Variants in STX11 observed in about 807,000 individuals in gnomAD.
STX11 encodes the protein syntaxin-11.
In STX11, 21 loss-of-function variants were observed where a neutral mutation model predicts 19.9. The ratio of observed to expected loss-of-function variants is 1.06; its 90% confidence interval spans 0.75 to 1.52. The LOEUF is 1.52. Ranked by LOEUF, STX11 falls within the 40% of genes most tolerant of loss-of-function variation. The probability of loss-of-function intolerance (pLI) is 0.00; values close to 1 mark genes in which losing one functional copy is unlikely to be tolerated. For missense variants in STX11, 438 were observed against 405.9 expected (o/e 1.08, Z -0.68); for synonymous variants, 193 against 174.4 (o/e 1.11, Z -0.84).
the STX11 span, among the ~76,000 whole-genome samples, chr6:144,141,171 A>G: frequency 6.3e-3 from 960 of 152,372 alleles, 13 homozygotes; most frequent in African/African-American, 0.022. Context: ...ATTGGTTTCC[A>G]TAAAGAGCTA....
chr6:144,184,527 T>C lies in STX11; in HGVS notation c.-5-2096T>C, dbSNP rs1163864270. Among the ~76,000 whole-genome samples, 1 of 152,252 alleles carries C rather than the reference T, an allele frequency of 6.6e-6. No individual in the cohort carries two copies. Among genetic ancestry groups the C allele is most frequent in the African/African-American group, 2.4e-5 (1 of 41,472 alleles). ...AATTCTCAGCAGTTTAATTTGCATT[T>C]CCTTGTTTAATACAGAAGTCTTTTG... On this transcript the variant is annotated intron_variant, in intron 1 of 1. Transcript: ENST00000367568. The surrounding 1 kb of genome is among the most constrained non-coding windows in gnomAD (Gnocchi z 6.5).
chr6:144,166,666 C>T (rs1801489682), intron 1 of STX11, among the ~76,000 whole-genome samples: 1 of 151,846 alleles, frequency 6.6e-6, no homozygotes, highest in African/African-American at 2.4e-5. Context: ...GCTGGGACTA[C>T]AGGCATGTGC....
the STX11 span, among the ~76,000 whole-genome samples, chr6:144,144,943 G>A: frequency 6.6e-6 from 1 of 152,206 alleles, no homozygotes; most frequent in East Asian, 1.9e-4. Context: ...GGCATTGCAG[G>A]TATAAATGTA....
chr6:144,150,545 G>T lies in STX11; in HGVS notation c.-164G>T. 2.0e-6 allele frequency: 2 copies of T among 985,398 alleles called. No homozygotes were observed. The highest frequency in any genetic ancestry group is 2.4e-6 in the Non-Finnish European group (2 of 829,964). 61.0% of individuals were successfully genotyped at this position (985,398 alleles called of 1,614,324 possible). On this transcript the variant is annotated 5_prime_UTR_variant, in exon 1 of 2. Transcript: ENST00000367568. ...TGCGGCCGCGGCGGCGCGGAGCTCG[G>T]GCGGCCGTGGAGGAACTCAGCCTCG... is the stretch of plus-strand genomic sequence containing the variant.
In STX11 at chr6:144,170,453, T is replaced by C. The variant is rs1357861422; in HGVS notation, c.-5-16170T>C. On this transcript the variant is annotated intron_variant, in intron 1 of 1. Transcript: ENST00000367568. The surrounding 1 kb of genome is among the most constrained non-coding windows in gnomAD (Gnocchi z 4.7). ...CCTTGGGGACACTGAGTAAATTGTG[T>C]GTTATGTACTTGTGTTTTGACTGCG... Among the ~76,000 whole-genome samples, 1 of 152,148 alleles carries C rather than the reference T, an allele frequency of 6.6e-6. No homozygotes were observed. Among genetic ancestry groups the C allele is most frequent in the Non-Finnish European group, 1.5e-5 (1 of 68,026 alleles).
At position 144,176,968 on chromosome 6, in the gene STX11, A is replaced by G. The variant is rs994882651; in HGVS notation, c.-5-9655A>G. Among the ~76,000 whole-genome samples, 1 of 152,252 alleles carries G rather than the reference A, an allele frequency of 6.6e-6. No individual in the cohort carries two copies. The highest frequency in any genetic ancestry group is 6.5e-5 in the Admixed American group (1 of 15,286). On this transcript the variant is annotated intron_variant, in intron 1 of 1. Coordinates refer to ENST00000367568, the MANE Select transcript of STX11 (RefSeq NM_003764.4). The surrounding 1 kb of genome is among the most constrained non-coding windows in gnomAD (Gnocchi z 4.1). Reference sequence around the variant, plus strand: ...GTACCTTGTGTAAAAGATATCAGCCATATATAAGAATATTTTTTCTGGGAG... The same window carrying G: ...GTACCTTGTGTAAAAGATATCAGCCGTATATAAGAATATTTTTTCTGGGAG...
chr6:144,187,004 G>T lies in STX11; in HGVS notation c.377G>T (p.Arg126Leu), dbSNP rs1209486237. 3.1e-6 allele frequency: 5 copies of T among 1,610,426 alleles called. No homozygotes were observed. The highest frequency in any genetic ancestry group is 1.1e-5 in the South Asian group (1 of 91,026). ...CACGGCCCGCACTCGGCAGTGGCGC[G>T]CATTTCGCGGGCGCAGTACAACGCG... ...AQHGPHSAVARISRAQYNALT... is the reference protein window; with the variant it reads ...AQHGPHSAVALISRAQYNALT... The change falls in exon 2 of 2, where the codon CGC becomes CTC. Residue 126 changes from arginine to leucine, a missense_variant. Physicochemically the swap from Arg to Leu is moderately radical, Grantham distance 102. Coordinates refer to ENST00000367568, the MANE Select transcript of STX11 (RefSeq NM_003764.4). The surrounding 1 kb of genome is among the most constrained non-coding windows in gnomAD (Gnocchi z 5.6).
chr6:144,187,782 T>C lies in STX11; in HGVS notation c.*291T>C. 1 of 536,556 alleles carries C rather than the reference T, an allele frequency of 1.9e-6. No individual in the cohort carries two copies. Among genetic ancestry groups the C allele is most frequent in the Non-Finnish European group, 3.5e-6 (1 of 289,556 alleles). The allele number at this position is 536,556 out of a possible 1,614,324, so 33.2% of individuals were successfully genotyped here. ...TCTTGACAGAAGCCAAGTAAGGAAC[T>C]GAAGTTGTATCTGACTGTAGGGTGA... is the stretch of plus-strand genomic sequence containing the variant. On this transcript the variant is annotated 3_prime_UTR_variant, in exon 2 of 2. Transcript: ENST00000367568. This position sits in a 1 kb window ranked among gnomAD's most constrained non-coding sequence, Gnocchi z 5.6.
the STX11 span, among the ~76,000 whole-genome samples, chr6:144,140,226 A>ATATATATC: frequency 2.5e-5 from 1 of 40,658 alleles, no homozygotes; most frequent in Non-Finnish European, 4.3e-5. Context: ...ATATATATAT[A>ATATATATC]TATATATATA....
In STX11 at chr6:144,155,988, TTCTTTC is replaced by T. The variant is rs1317202468; in HGVS notation, c.-6+5287_-6+5292del. 2.3e-5 allele frequency among the ~76,000 whole-genome samples: 3 copies of T among 132,570 alleles called. No homozygotes were observed. The highest frequency in any genetic ancestry group is 7.2e-5 in the Admixed American group (1 of 13,984). 87.0% of individuals were successfully genotyped at this position (132,570 alleles called of 152,430 possible). A position where few individuals can be genotyped will look rare whatever the true frequency, so the allele number is the denominator to read the frequency against. ...TTTCTTTCTTTCTTTCTTTCTTTCT[TTCTTTC>T]TTTCTTTCTTTCTTTCTTTCTCTCT... is the stretch of plus-strand genomic sequence containing the variant. On this transcript the variant is annotated intron_variant, in intron 1 of 1. Transcript: ENST00000367568. The surrounding 1 kb of genome is among the most constrained non-coding windows in gnomAD (Gnocchi z 4.5).
intron 1 of STX11, among the ~76,000 whole-genome samples, chr6:144,181,300 A>G (rs1387766035): frequency 6.6e-6 from 1 of 152,126 alleles, no homozygotes; most frequent in African/African-American, 2.4e-5. Flanking sequence ...ATTATGAATA[A>G]AAAGCTGACA....
chr6:144,166,914 C>G (rs576642570), intron 1 of STX11, among the ~76,000 whole-genome samples: 1 of 123,952 alleles, frequency 8.1e-6, no homozygotes, highest in African/African-American at 3.0e-5. Context: ...CTCTTTCTTT[C>G]TTTTTACCTG....
Position 144,153,523 on chromosome 6 carries a change from C to G in STX11, c.-6+2820C>G, listed in dbSNP as rs1322595919. 6.6e-6 allele frequency among the ~76,000 whole-genome samples: 1 copy of G among 152,188 alleles called. No homozygotes were observed. Among genetic ancestry groups the G allele is most frequent in the Non-Finnish European group, 1.5e-5 (1 of 68,036 alleles). On this transcript the variant is annotated intron_variant, in intron 1 of 1. Transcript: ENST00000367568. The surrounding 1 kb of genome is among the most constrained non-coding windows in gnomAD (Gnocchi z 5.0). ...CCTACGGAGACAGGAAGGGCCAGATCACAAAGGCCCCATGAGGGTTTAATA... is the reference window on the plus strand; with the variant it reads ...CCTACGGAGACAGGAAGGGCCAGATGACAAAGGCCCCATGAGGGTTTAATA...
At position 144,160,324 on chromosome 6, in the gene STX11, G is replaced by A. The variant is rs955932424; in HGVS notation, c.-6+9621G>A. 3.3e-5 allele frequency among the ~76,000 whole-genome samples: 5 copies of A among 152,068 alleles called. No individual in the cohort carries two copies. Among genetic ancestry groups the A allele is most frequent in the Non-Finnish European group, 7.4e-5 (5 of 67,996 alleles). On this transcript the variant is annotated intron_variant, in intron 1 of 1. Coordinates refer to ENST00000367568, the MANE Select transcript of STX11 (RefSeq NM_003764.4). This position sits in a 1 kb window ranked among gnomAD's most constrained non-coding sequence, Gnocchi z 4.3. The stretch of plus-strand genomic sequence containing the variant: ...CCTGGCCTTTTTAAAAATTATTTTT[G>A]TACCTCCTTATTTCTCCCCATAAAT...
rs1801763044 is a variant in STX11, at chr6:144,175,725, C to T, written c.-5-10898C>T. 6.6e-6 allele frequency among the ~76,000 whole-genome samples: 1 copy of T among 152,218 alleles called. No individual in the cohort carries two copies. Among genetic ancestry groups the T allele is most frequent in the Non-Finnish European group, 1.5e-5 (1 of 68,036 alleles). On this transcript the variant is annotated intron_variant, in intron 1 of 1. Transcript: ENST00000367568. The surrounding 1 kb of genome is among the most constrained non-coding windows in gnomAD (Gnocchi z 5.1). Reference sequence around the variant, plus strand: ...TACAGGCTTTTTCTGCTCTCACCTTCTTTGATTTTACTTAACATGGTGGTT... The same window carrying T: ...TACAGGCTTTTTCTGCTCTCACCTTTTTTGATTTTACTTAACATGGTGGTT...
rs1372902638 is a variant in STX11, at chr6:144,176,313, C to T, written c.-5-10310C>T. On this transcript the variant is annotated intron_variant, in intron 1 of 1. Coordinates refer to ENST00000367568, the MANE Select transcript of STX11 (RefSeq NM_003764.4). The surrounding 1 kb of genome is among the most constrained non-coding windows in gnomAD (Gnocchi z 4.1). Reference sequence around the variant, plus strand: ...CCTGGACAGATGTGAGTTTAAATCCCAGACTTCTCTCTTACTCACTGGGTG... The same window carrying T: ...CCTGGACAGATGTGAGTTTAAATCCTAGACTTCTCTCTTACTCACTGGGTG... 6.6e-6 allele frequency among the ~76,000 whole-genome samples: 1 copy of T among 152,140 alleles called. No homozygotes were observed. Among genetic ancestry groups the T allele is most frequent in the East Asian group, 1.9e-4 (1 of 5,194 alleles).
chr6:144,150,205 G>C (rs1800957777), upstream of STX11, among the ~76,000 whole-genome samples: 1 of 152,392 alleles, frequency 6.6e-6, no homozygotes, highest in East Asian at 1.9e-4. Flanking sequence ...GCGCAGCGGG[G>C]ATTCCCGGGG....
chr6:144,187,378 A>G lies in STX11; in HGVS notation c.751A>G (p.Lys251Glu). The change falls in exon 2 of 2, where the codon AAG (lysine) becomes GAG (glutamate). Residue 251 changes from lysine (K) to glutamate (E), a missense_variant. Lys to Glu is a moderately conservative substitution (Grantham distance 56, BLOSUM62 1). Transcript: ENST00000367568. This position sits in a 1 kb window ranked among gnomAD's most constrained non-coding sequence, Gnocchi z 5.6. ...TLNVIELNVQKTVDYTGQAKA... is the reference protein window; with the variant it reads ...TLNVIELNVQETVDYTGQAKA... Reference sequence around the variant, plus strand: ...GAACGTCATCGAGCTCAACGTACAAAAGACGGTCGACTACACCGGCCAGGC... The same window carrying G: ...GAACGTCATCGAGCTCAACGTACAAGAGACGGTCGACTACACCGGCCAGGC... 2 of 1,610,664 alleles carry G rather than the reference A, an allele frequency of 1.2e-6. No homozygotes were observed. Among genetic ancestry groups the G allele is most frequent in the Non-Finnish European group, 1.7e-6 (2 of 1,179,970 alleles).
In STX11 at chr6:144,151,520, C is replaced by T. The variant is rs1055190645; in HGVS notation, c.-6+817C>T. ...CTCTAGATGTGAAATGCCTGCCCTG[C>T]CAACCTGGGGCAGTGGTATGGGAAG... On this transcript the variant is annotated intron_variant, in intron 1 of 1. Transcript: ENST00000367568. The surrounding 1 kb of genome is among the most constrained non-coding windows in gnomAD (Gnocchi z 4.6). 3.9e-6 allele frequency: 3 copies of T among 765,772 alleles called. No homozygotes were observed. In the Admixed American group the frequency reaches 1.9e-4, roughly 48 times the overall value. The allele number at this position is 765,772 out of a possible 1,614,324, so 47.4% of individuals were successfully genotyped here.
Sources: gnomAD v4.1 joint callset for allele counts (sites outside exome capture counted in the v4.1 genomes callset) on GRCh38, gnomAD v4.1.1 for gene constraint, Gnocchi (gnomAD v3.1) non-coding constraint, MANE v1.5 for transcripts, NCBI Gene and HGNC (gene_info 2026-07-23, HGNC 2026-07-21) for gene names.